The following EBF1 variants were observed in gnomAD, a reference collection of about 807,000 sequenced individuals.
EBF1 encodes EBF transcription factor 1.
In EBF1, 10 loss-of-function variants were observed where a neutral mutation model predicts 68.4. That is an observed-to-expected ratio of 0.15 (90% CI 0.09 to 0.25). The LOEUF is 0.25. Ranked by LOEUF, EBF1 falls within the 10% of genes least tolerant of loss-of-function variation. The pLI is 1.00. For missense variants in EBF1, 509 were observed against 794.4 expected, an observed-to-expected ratio of 0.64 and a Z score of 4.32; for synonymous variants, 298 against 299.8, an observed-to-expected ratio of 0.99 and a Z score of 0.06.
chr5:158,822,148 C>T (rs1415901775), intron 8 of EBF1, among the ~76,000 whole-genome samples: 1 of 152,096 alleles, frequency 6.6e-6, no homozygotes, highest in Non-Finnish European at 1.5e-5. Context: ...CTGACCCTAG[C>T]AAACTGGAAA....
chr5:159,028,813 A>T (rs1303000946), intron 6 of EBF1, among the ~76,000 whole-genome samples: 1 of 152,212 alleles, frequency 6.6e-6, no homozygotes, highest in Non-Finnish European at 1.5e-5. Flanking sequence ...AGAAAGAGCC[A>T]GTCATGGTTA....
intron 8 of EBF1, among the ~76,000 whole-genome samples, chr5:158,812,805 T>C (rs1782941337): frequency 6.6e-6 from 1 of 152,146 alleles, no homozygotes; most frequent in Admixed American, 6.6e-5. Context: ...TTTTCTCTCC[T>C]GATGCAAGTC....
intron 10 of EBF1, among the ~76,000 whole-genome samples, chr5:158,765,003 T>C (rs761704888): frequency 6.6e-6 from 1 of 152,184 alleles, no homozygotes; most frequent in Admixed American, 6.5e-5. Context: ...TTGTCAACTA[T>C]AAAAATGCAT....
At chr5:159,040,014 G>A (rs1770852497) in intron 6 of EBF1, among the ~76,000 whole-genome samples, 1 of 152,102 alleles carries the variant, frequency 6.6e-6, no homozygotes, top group Non-Finnish European at 1.5e-5. Context: ...ATTCTCTAAA[G>A]CACTGTGAAT....
At chr5:158,789,754 G>C (rs1399901275) in intron 9 of EBF1, among the ~76,000 whole-genome samples, 2 of 152,178 alleles carry the variant, frequency 1.3e-5, no homozygotes, top group African/African-American at 2.4e-5. Context: ...GGTTCAGTAA[G>C]AGTCAAGGCC....
intron 4 of EBF1, among the ~76,000 whole-genome samples, chr5:159,087,275 C>CAT (rs1164683932): frequency 8.3e-5 from 12 of 144,850 alleles, no homozygotes; most frequent in East Asian, 3.9e-4. Flanking sequence ...TATACACACA[C>CAT]ACATATATAT....
At chr5:158,853,339 A>C (rs1006000124) in intron 6 of EBF1, among the ~76,000 whole-genome samples, 7 of 152,236 alleles carry the variant, frequency 4.6e-5, no homozygotes, top group Non-Finnish European at 8.8e-5. Context: ...CATGTGACCC[A>C]AGTCAAGCCA....
At chr5:158,701,759 C>T (rs984129927) in intron 15 of EBF1, among the ~76,000 whole-genome samples, 60 of 152,202 alleles carry the variant, frequency 3.9e-4, no homozygotes, top group African/African-American at 1.4e-3. Flanking sequence ...CAAGTTTATA[C>T]ATGATAGCAC....
intron 6 of EBF1, among the ~76,000 whole-genome samples, chr5:158,864,462 C>T (rs1795511249): frequency 6.6e-6 from 1 of 152,028 alleles, no homozygotes. Context: ...AGCTTTTCAC[C>T]CAAAGAAGGG....
At chr5:158,862,030 A>T (rs1472027625) in intron 6 of EBF1, among the ~76,000 whole-genome samples, 1 of 152,200 alleles carries the variant, frequency 6.6e-6, no homozygotes. Context: ...TATACAGTAG[A>T]CATTCAAATG....
At chr5:158,859,495 C>T (rs115155079) in intron 6 of EBF1, among the ~76,000 whole-genome samples, 2,041 of 152,274 alleles carry the variant, frequency 0.013, 18 homozygotes, top group Non-Finnish European at 0.021. Flanking sequence ...GGTATCTGTG[C>T]ATGAATCTGA....
intron 6 of EBF1, among the ~76,000 whole-genome samples, chr5:158,905,454 T>A (rs781754671): frequency 3.9e-5 from 6 of 152,238 alleles, no homozygotes; most frequent in South Asian, 4.1e-4. Flanking sequence ...GGCATTGCGA[T>A]AGCACTGGAT....
At chr5:158,738,903 T>C (rs1418747943) in intron 10 of EBF1, among the ~76,000 whole-genome samples, 1 of 152,226 alleles carries the variant, frequency 6.6e-6, no homozygotes, top group East Asian at 1.9e-4. Flanking sequence ...AACAGGAATC[T>C]CTGTGCCTAG....
intron 6 of EBF1, among the ~76,000 whole-genome samples, chr5:158,926,683 C>T (rs1809769436): frequency 6.7e-6 from 1 of 148,928 alleles, no homozygotes; most frequent in East Asian, 2.0e-4. Flanking sequence ...AAGATTGAGC[C>T]ACTGCACTCC....
At chr5:158,980,470 T>A (rs1306607974) in intron 6 of EBF1, among the ~76,000 whole-genome samples, 2 of 152,208 alleles carry the variant, frequency 1.3e-5, no homozygotes, top group Non-Finnish European at 2.9e-5. Context: ...GACTCCTCTC[T>A]CTGTCTCCAT....
intron 6 of EBF1, among the ~76,000 whole-genome samples, chr5:158,891,183 G>A (rs111399875): frequency 4.6e-5 from 7 of 152,262 alleles, no homozygotes; most frequent in Non-Finnish European, 1.0e-4. Flanking sequence ...TGATTTGAGA[G>A]GTTGGCATTT....
In EBF1 at chr5:159,099,382, C is replaced by A. The variant is rs371774270; in HGVS notation, c.97G>T (p.Gly33Cys). Residue 33 changes from glycine (G) to cysteine (C), a missense_variant, in exon 1 of 16, where the codon GGC (glycine) becomes TGC (cysteine). Gly to Cys is a radical substitution (Grantham distance 159, BLOSUM62 -3). Around this residue, in one of 3 missense-constraint regions of EBF1, gnomAD observed 74 missense variants for 79.4 expected, o/e 0.93. Transcript: ENST00000313708. ...GMNAVRTWMQ[G>C]AGVLDANTAA... Reference sequence around the variant, plus strand: ...GTGTTGGCGTCCAGCACCCCGGCGCCCTGCATCCACGTCCGCACCGCGTTC... The same window carrying A: ...GTGTTGGCGTCCAGCACCCCGGCGCACTGCATCCACGTCCGCACCGCGTTC... 70 of 1,598,088 alleles carry A rather than the reference C, an allele frequency of 4.4e-5. No individual in the cohort carries two copies. Among genetic ancestry groups the A allele is most frequent in the Non-Finnish European group, 5.9e-5 (69 of 1,172,790 alleles).
chr5:158,747,569 A>T (rs1767866258), intron 10 of EBF1, among the ~76,000 whole-genome samples: 1 of 152,196 alleles, frequency 6.6e-6, no homozygotes, highest in Non-Finnish European at 1.5e-5. Context: ...TAAAAGGAAG[A>T]CAACAAATGT....
chr5:158,832,580 C>T (rs1313719230), intron 7 of EBF1, among the ~76,000 whole-genome samples: 1 of 152,104 alleles, frequency 6.6e-6, no homozygotes, highest in Admixed American at 6.5e-5. Context: ...AACAATATAA[C>T]AATATAAGTA....
Sources: allele counts gnomAD v4.1 joint callset (sites outside exome capture counted in the v4.1 genomes callset), GRCh38; gene constraint gnomAD v4.1.1; regional missense constraint gnomAD v4.1.1; transcripts MANE v1.5; gene names NCBI Gene and HGNC (gene_info 2026-07-23, HGNC 2026-07-21).